Variants in TBCK observed in about 807,000 individuals in gnomAD.
The protein encoded by TBCK is TBC1 domain containing kinase.
TBCK carries 99 observed loss-of-function variants against 113.4 expected under a neutral mutation model. That is an observed-to-expected ratio of 0.87 (90% CI 0.74 to 1.03). The LOEUF is 1.03. TBCK is among the 50% of genes least tolerant of loss of function. The pLI, the probability that TBCK is intolerant of heterozygous loss-of-function variation, is 0.00. For missense variants in TBCK, 1,045 were observed against 1,061.3 expected (o/e 0.98, Z 0.21); for synonymous variants, 369 against 370.8 (o/e 1.00, Z 0.05).
intron 23 of TBCK, among the ~76,000 whole-genome samples, chr4:106,160,734 T>A (rs558298691): frequency 1.3e-5 from 2 of 151,874 alleles, no homozygotes; most frequent in African/African-American, 4.8e-5. Flanking sequence ...TAAAGATAGA[T>A]AACATATGAT....
At chr4:106,259,697 A>T (rs1209996178) in intron 5 of TBCK, among the ~76,000 whole-genome samples, 1 of 151,990 alleles carries the variant, frequency 6.6e-6, no homozygotes. Context: ...GGAGAAACTG[A>T]TGAAGGGTAG....
chr4:106,236,271 C>T (rs2150009449), intron 14 of TBCK, 119 bp downstream of exon 14: 2 of 678,064 alleles, frequency 2.9e-6, no homozygotes, highest in East Asian at 3.6e-5. Flanking sequence ...GCTAACTGAA[C>T]AAGATAGGTC....
intron 25 of TBCK, among the ~76,000 whole-genome samples, chr4:106,047,662 C>T (rs560579886): frequency 6.6e-6 from 1 of 152,214 alleles, no homozygotes; most frequent in African/African-American, 2.4e-5. Flanking sequence ...TTAAATTATC[C>T]ATTTAAGAGC....
intron 20 of TBCK, among the ~76,000 whole-genome samples, chr4:106,208,731 C>T (rs1211377860): frequency 6.6e-6 from 1 of 152,136 alleles, no homozygotes; most frequent in Non-Finnish European, 1.5e-5. Flanking sequence ...GTAGCACACC[C>T]CTCCTGCTTG....
At chr4:106,209,509 A>G (rs1263306139) in intron 20 of TBCK, among the ~76,000 whole-genome samples, 1 of 152,216 alleles carries the variant, frequency 6.6e-6, no homozygotes, top group Non-Finnish European at 1.5e-5. Flanking sequence ...AAAAAATACA[A>G]ATATAATATT....
At chr4:106,276,806 A>C (rs1481300398) in intron 3 of TBCK, among the ~76,000 whole-genome samples, 2 of 152,066 alleles carry the variant, frequency 1.3e-5, no homozygotes, top group African/African-American at 4.8e-5. Context: ...GAGGTAGAAG[A>C]AACACTTGAA....
intron 24 of TBCK, among the ~76,000 whole-genome samples, chr4:106,105,199 A>C (rs1163574435): frequency 6.6e-6 from 1 of 152,176 alleles, no homozygotes; most frequent in African/African-American, 2.4e-5. Flanking sequence ...TCCATCTCCC[A>C]CAGGTCCCAC....
chr4:106,204,368 C>T (rs1755213193), intron 20 of TBCK, among the ~76,000 whole-genome samples: 1 of 152,164 alleles, frequency 6.6e-6, no homozygotes, highest in Non-Finnish European at 1.5e-5. Flanking sequence ...TGGTCACAGG[C>T]CCTGGCGGTC....
intron 25 of TBCK, among the ~76,000 whole-genome samples, chr4:106,054,112 T>G (rs1238751543): frequency 6.6e-6 from 1 of 151,700 alleles, no homozygotes; most frequent in Non-Finnish European, 1.5e-5. Flanking sequence ...ACAAAGCATT[T>G]TAACGGCCTG....
At chr4:106,305,111 C>T (rs184652861) in intron 2 of TBCK, among the ~76,000 whole-genome samples, 7 of 152,136 alleles carry the variant, frequency 4.6e-5, no homozygotes, top group African/African-American at 1.7e-4. Flanking sequence ...ATTCCTGGGA[C>T]CTACCATTAA....
chr4:106,107,851 G>T (rs4337798), intron 24 of TBCK, among the ~76,000 whole-genome samples: 1 of 151,942 alleles, frequency 6.6e-6, no homozygotes, highest in African/African-American at 2.4e-5. Context: ...TCAGGAGTTG[G>T]TTTTTTGAAA....
At chr4:106,120,619 G>A (rs1744201523) in intron 23 of TBCK, among the ~76,000 whole-genome samples, 1 of 152,216 alleles carries the variant, frequency 6.6e-6, no homozygotes, top group East Asian at 1.9e-4. Flanking sequence ...CTGGAGATCT[G>A]AGAACCAGCA....
intron 2 of TBCK, chr4:106,297,586 C>A (rs974457503): frequency 6.6e-6 from 1 of 152,204 alleles, no homozygotes; most frequent in Non-Finnish European, 1.5e-5. Flanking sequence ...TAAAGCCCAA[C>A]TGATAAAATC....
chr4:106,075,267 T>C (rs921803862), intron 25 of TBCK, among the ~76,000 whole-genome samples: 3 of 152,336 alleles, frequency 2.0e-5, no homozygotes, highest in Non-Finnish European at 4.4e-5. Context: ...TACATTGCTA[T>C]AAAAATGTTT....
chr4:106,200,992 T>G (rs1381308605), intron 20 of TBCK, among the ~76,000 whole-genome samples: 1 of 152,062 alleles, frequency 6.6e-6, no homozygotes, highest in African/African-American at 2.4e-5. Flanking sequence ...ATGGCATGTA[T>G]TTAAAAAAAT....
chr4:106,264,621 A>G (rs1283839344), intron 3 of TBCK, among the ~76,000 whole-genome samples: 1 of 152,050 alleles, frequency 6.6e-6, no homozygotes, highest in Non-Finnish European at 1.5e-5. Context: ...TGTAGAACTA[A>G]GCACAGAAAG....
At chr4:106,225,459 C>G (rs1212062173) in intron 19 of TBCK, among the ~76,000 whole-genome samples, 1 of 151,722 alleles carries the variant, frequency 6.6e-6, no homozygotes, top group Admixed American at 6.6e-5. Context: ...TCTTTTTGGT[C>G]TTTTTTTTGT....
At chr4:106,242,760 T>G (rs560734451) in intron 11 of TBCK, among the ~76,000 whole-genome samples, 191 bp from the exon 12 acceptor site, 2 of 152,046 alleles carry the variant, frequency 1.3e-5, no homozygotes, top group African/African-American at 4.8e-5. Context: ...ATGTGCACAA[T>G]GTGCAGGTTA....
At chr4:106,241,991 T>G (rs1760194754) in intron 12 of TBCK, among the ~76,000 whole-genome samples, 2 of 152,034 alleles carry the variant, frequency 1.3e-5, no homozygotes, top group South Asian at 4.1e-4. Flanking sequence ...AGATACGATA[T>G]CAGGGACATA....
Sources: gnomAD v4.1 joint callset for allele counts (sites outside exome capture counted in the v4.1 genomes callset) on GRCh38, gnomAD v4.1.1 for gene constraint, MANE v1.5 for transcripts, NCBI Gene and HGNC (gene_info 2026-07-23, HGNC 2026-07-21) for gene names.